Variants in ZNF423 observed in about 807,000 individuals in gnomAD.
ZNF423 encodes zinc finger protein 423.
Under a neutral mutation model 95.8 loss-of-function variants are expected in ZNF423, and 12 were observed. The observed-to-expected ratio is 0.13, with a 90% CI of 0.08 to 0.20. The LOEUF (loss-of-function observed/expected upper bound fraction) is 0.20, where lower values mean the gene tolerates loss of function less well. Among genes scored for constraint, ZNF423 ranks in the 10% least tolerant of loss-of-function variants. The pLI is 1.00. For synonymous variants in ZNF423, 749 were observed against 711.9 expected (o/e 1.05, Z -0.83); for missense variants, 1,316 against 1,737.1 (o/e 0.76, Z 4.31).
chr16:49,729,956 C>T (rs12928191), intron 3 of ZNF423, among the ~76,000 whole-genome samples: 20,967 of 152,062 alleles, frequency 0.14, 1,628 homozygotes, highest in African/African-American at 0.22. Context: ...ATCCAAGGAG[C>T]TTCATCAACA....
intron 7 of ZNF423, among the ~76,000 whole-genome samples, chr16:49,522,080 C>G (rs1968421228): frequency 6.6e-6 from 1 of 152,158 alleles, no homozygotes. Flanking sequence ...GTGGCCCCAG[C>G]CTTGTAACCT....
intron 3 of ZNF423, among the ~76,000 whole-genome samples, chr16:49,688,872 T>C (rs1414090091): frequency 6.6e-6 from 1 of 152,202 alleles, no homozygotes; most frequent in African/African-American, 2.4e-5. Flanking sequence ...TCCCATTTCT[T>C]TGAGAATGGC....
chr16:49,792,778 G>A (rs561093916), intron 1 of ZNF423, among the ~76,000 whole-genome samples: 5 of 152,310 alleles, frequency 3.3e-5, no homozygotes, highest in East Asian at 3.9e-4. Flanking sequence ...ATTGTTTTAT[G>A]AGACAGGCTC....
chr16:49,852,937 C>G (rs1315298948), intron 1 of ZNF423, among the ~76,000 whole-genome samples: 1 of 152,190 alleles, frequency 6.6e-6, no homozygotes, highest in Non-Finnish European at 1.5e-5. Context: ...GTTTTATTTT[C>G]AAAGCAGCAA....
chr16:49,620,066 T>C (rs1972007418), intron 5 of ZNF423, among the ~76,000 whole-genome samples: 1 of 151,834 alleles, frequency 6.6e-6, no homozygotes. Flanking sequence ...GGGATGTGCT[T>C]CATAAAGACT....
chr16:49,778,252 G>A (rs1337382497), intron 2 of ZNF423, among the ~76,000 whole-genome samples: 2 of 152,222 alleles, frequency 1.3e-5, no homozygotes, highest in African/African-American at 4.8e-5. Flanking sequence ...TTAAGGGAAT[G>A]TCAGCTGACA....
chr16:49,854,318 T>C, intron 1 of ZNF423: 1 of 985,410 alleles, frequency 1.0e-6, no homozygotes, highest in Non-Finnish European at 1.2e-6. Context: ...GGAGGATCTC[T>C]GCTGGGCCGG....
chr16:49,587,521 A>G (rs1970880592), intron 5 of ZNF423, among the ~76,000 whole-genome samples: 1 of 152,108 alleles, frequency 6.6e-6, no homozygotes, highest in Non-Finnish European at 1.5e-5. Context: ...AGAAGCACTG[A>G]GACAAGGGGC....
chr16:49,746,945 A>G (rs751090750), intron 2 of ZNF423, among the ~76,000 whole-genome samples: 5 of 152,160 alleles, frequency 3.3e-5, no homozygotes, highest in Admixed American at 6.5e-5. Context: ...AGCTCGGCCC[A>G]TGACCCAAGT....
In ZNF423 at chr16:49,729,422, G is replaced by A. The variant is rs1011980107; in HGVS notation, c.301+1349C>T. ...GGCCACCAAACAGATATGTGACCCC[G>A]GCCAAGCAATCACCTTTTCCTCCCT... On this transcript the variant is annotated intron_variant, in intron 3 of 7. Transcript: ENST00000563137. Among the ~76,000 whole-genome samples the A allele has an allele frequency of 7.9e-5, 12 of 152,002 alleles. No individual in the cohort carries two copies. In the South Asian group the frequency reaches 8.3e-4, roughly 11 times the overall value.
At chr16:49,690,458 G>A (rs1433817893) in intron 3 of ZNF423, among the ~76,000 whole-genome samples, 3 of 152,232 alleles carry the variant, frequency 2.0e-5, no homozygotes, top group Non-Finnish European at 4.4e-5. Flanking sequence ...AGGATTTGAG[G>A]CTGCAATGAG....
chr16:49,687,424 G>T (rs1450994919), intron 3 of ZNF423, among the ~76,000 whole-genome samples: 1 of 152,104 alleles, frequency 6.6e-6, no homozygotes, highest in Non-Finnish European at 1.5e-5. Flanking sequence ...CCCCACACAC[G>T]GGTGCAAACC....
intron 1 of ZNF423, among the ~76,000 whole-genome samples, chr16:49,852,539 A>G (rs575692415): frequency 1.5e-4 from 23 of 152,262 alleles, no homozygotes; most frequent in African/African-American, 5.1e-4. Context: ...ATCAGTGAGC[A>G]TGATGAGAAC....
rs181909191 is a variant in ZNF423 at position 49,629,272 on chromosome 16, T to C, written c.3517-3018A>G. On this transcript the variant is annotated intron_variant, in intron 4 of 7. Coordinates refer to ENST00000563137, the MANE Select transcript of ZNF423 (RefSeq NM_001379286.1). Reference sequence around the variant, plus strand: ...AGCTTTCAATTGAGTCTTGCTTTTTTCTTTGCATCTAATCTGACAATCTCT... The same window carrying C: ...AGCTTTCAATTGAGTCTTGCTTTTTCCTTTGCATCTAATCTGACAATCTCT... 8.4e-4 allele frequency among the ~76,000 whole-genome samples: 128 copies of C among 152,384 alleles called. 3 individuals carry two copies. Among genetic ancestry groups the C allele is most frequent in the East Asian group, 8.1e-3 (42 of 5,186 alleles).
intron 5 of ZNF423, among the ~76,000 whole-genome samples, chr16:49,561,875 G>A (rs1970028283): frequency 6.6e-6 from 1 of 152,198 alleles, no homozygotes; most frequent in Non-Finnish European, 1.5e-5. Flanking sequence ...TGCTCACTGA[G>A]CCTTTGGTAA....
At chr16:49,742,906 T>C (rs1037615088) in intron 2 of ZNF423, among the ~76,000 whole-genome samples, 6 of 152,100 alleles carry the variant, frequency 3.9e-5, no homozygotes, top group African/African-American at 1.2e-4. Flanking sequence ...GAGCCAAGGA[T>C]AAACAGAGGC....
In ZNF423 at chr16:49,603,705, C is replaced by T. The variant is rs972751033; in HGVS notation, c.3601+22465G>A. On this transcript the variant is annotated intron_variant, in intron 5 of 7. Coordinates refer to ENST00000563137, the MANE Select transcript of ZNF423 (RefSeq NM_001379286.1). The surrounding 1 kb of genome is among the most constrained non-coding windows in gnomAD (Gnocchi z 4.1). ...GATTATGGGTGTAAGCCACCATGCC[C>T]GGCCTAGAAATTCTTAATAATTTTC... is the stretch of plus-strand genomic sequence containing the variant. 4.6e-5 allele frequency among the ~76,000 whole-genome samples: 7 copies of T among 152,190 alleles called. No homozygotes were observed. Among genetic ancestry groups the T allele is most frequent in the Non-Finnish European group, 8.8e-5 (6 of 68,038 alleles).
chr16:49,673,370 T>G (rs1316043230), intron 3 of ZNF423, among the ~76,000 whole-genome samples: 1 of 152,232 alleles, frequency 6.6e-6, no homozygotes, highest in East Asian at 1.9e-4. Flanking sequence ...CCTGGCATTC[T>G]ATTACCAAAT....
chr16:49,523,816 T>G, intron 6 of ZNF423, 77 bp from the exon 7 acceptor site: 5 of 1,182,492 alleles, frequency 4.2e-6, no homozygotes, highest in Non-Finnish European at 6.2e-6. Context: ...CCCACAACAC[T>G]CGCAGGCAGG....
Sources: allele counts gnomAD v4.1 joint callset (sites outside exome capture counted in the v4.1 genomes callset), GRCh38; gene constraint gnomAD v4.1.1; non-coding constraint Gnocchi (gnomAD v3.1); transcripts MANE v1.5; gene names NCBI Gene and HGNC (gene_info 2026-07-23, HGNC 2026-07-21).